Variants in CSMD1 observed in about 807,000 individuals in gnomAD.
The protein encoded by CSMD1 is CUB and sushi domain-containing protein 1.
Under a neutral mutation model 417.5 loss-of-function variants are expected in CSMD1, and 213 were observed. That is an observed-to-expected ratio of 0.51 (90% CI 0.46 to 0.57). CSMD1 has a LOEUF of 0.57. Ranked by LOEUF, CSMD1 falls within the 20% of genes least tolerant of loss-of-function variation. The probability of loss-of-function intolerance (pLI) is 0.00; values close to 1 mark genes in which losing one functional copy is unlikely to be tolerated. For synonymous variants in CSMD1, 2,862 were observed against 1,736.8 expected (o/e 1.65, Z -16.11); for missense variants, 6,923 against 4,529.7 (o/e 1.53, Z -15.17).
chr8:4,074,957 G>C (rs1464623562), intron 3 of CSMD1, among the ~76,000 whole-genome samples: 4 of 152,110 alleles, frequency 2.6e-5, no homozygotes, highest in Admixed American at 1.3e-4. Flanking sequence ...TTGTGTGACA[G>C]TTTGAGTCTG....
At chr8:3,581,710 G>C (rs182517715) in intron 9 of CSMD1, among the ~76,000 whole-genome samples, 2 of 152,324 alleles carry the variant, frequency 1.3e-5, no homozygotes, top group East Asian at 3.9e-4. Flanking sequence ...AGACGGTTGA[G>C]TTGAGAATAT....
intron 7 of CSMD1, among the ~76,000 whole-genome samples, chr8:3,706,079 G>A (rs189800858): frequency 1.3e-5 from 2 of 152,356 alleles, no homozygotes; most frequent in Admixed American, 6.5e-5. Context: ...GCGCTGGAAC[G>A]TGGCCTGGCC....
chr8:3,322,702 G>C (rs1341190657), intron 23 of CSMD1, among the ~76,000 whole-genome samples: 1 of 152,174 alleles, frequency 6.6e-6, no homozygotes, highest in Non-Finnish European at 1.5e-5. Flanking sequence ...CATGGCAGTG[G>C]AGTCCACAGC....
intron 5 of CSMD1, among the ~76,000 whole-genome samples, chr8:3,958,525 G>C (rs1187916933): frequency 6.6e-6 from 1 of 151,792 alleles, no homozygotes; most frequent in Non-Finnish European, 1.5e-5. Context: ...CATTCTTCTG[G>C]GTTTAGTTCT....
rs112468724 is a variant in CSMD1 at position 3,587,601 on chromosome 8, A to G, written c.1098-1341T>C. ...ATCATTCAAGTAACATCGCACCAGC[A>G]TCCCCCACGGCATCTATGTAACACT... On this transcript the variant is annotated intron_variant, in intron 8 of 69. Coordinates refer to ENST00000635120, the MANE Select transcript of CSMD1 (RefSeq NM_033225.6). Among the ~76,000 whole-genome samples, 1,320 of 152,264 alleles carry G rather than the reference A, an allele frequency of 8.7e-3. 19 individuals carry two copies. The highest frequency in any genetic ancestry group is 0.028 in the African/African-American group (1,161 of 41,566).
intron 7 of CSMD1, among the ~76,000 whole-genome samples, chr8:3,684,816 A>G (rs1340149015): frequency 3.9e-5 from 6 of 152,114 alleles, no homozygotes; most frequent in Non-Finnish European, 5.9e-5. Context: ...GCTATAGATC[A>G]TATTCCAAAC....
At chr8:3,145,903 G>A (rs942523365) in intron 40 of CSMD1, among the ~76,000 whole-genome samples, 2 of 152,230 alleles carry the variant, frequency 1.3e-5, no homozygotes, top group Admixed American at 1.3e-4. Flanking sequence ...CAAGTCACCT[G>A]CACAGAGAAT....
chr8:3,953,232 A>G (rs1206950188), intron 5 of CSMD1, among the ~76,000 whole-genome samples: 4 of 152,306 alleles, frequency 2.6e-5, no homozygotes, highest in East Asian at 1.9e-4. Flanking sequence ...AAGAAAATAT[A>G]TAACTGATAT....
chr8:3,931,258 C>G (rs538582358), intron 5 of CSMD1, among the ~76,000 whole-genome samples: 2 of 150,466 alleles, frequency 1.3e-5, no homozygotes, highest in Middle Eastern at 6.8e-3. Context: ...TCTCAGAACG[C>G]TCTGCATTTT....
chr8:4,682,786 G>A (rs915529987), intron 1 of CSMD1, among the ~76,000 whole-genome samples: 17 of 150,980 alleles, frequency 1.1e-4, no homozygotes, highest in African/African-American at 2.4e-4. Context: ...AAGTATATAC[G>A]AAGCAACATT....
chr8:3,267,089 A>C (rs1003126592), intron 26 of CSMD1, among the ~76,000 whole-genome samples: 3 of 151,134 alleles, frequency 2.0e-5, no homozygotes, highest in South Asian at 4.2e-4. Flanking sequence ...AGAGAGAGGG[A>C]AGGGTGAAAA....
At chr8:4,490,654 T>C (rs2130206835) in intron 2 of CSMD1, among the ~76,000 whole-genome samples, 1 of 152,260 alleles carries the variant, frequency 6.6e-6, no homozygotes, top group African/African-American at 2.4e-5. Flanking sequence ...TGACCCATGC[T>C]CAGAATGGTC....
At chr8:3,538,999 A>G (rs1169272911) in intron 10 of CSMD1, among the ~76,000 whole-genome samples, 1 of 152,162 alleles carries the variant, frequency 6.6e-6, no homozygotes, top group Non-Finnish European at 1.5e-5. Flanking sequence ...ATCTCATTGA[A>G]GTGAAAATAA....
At chr8:4,254,914 G>C (rs1803348599) in intron 3 of CSMD1, among the ~76,000 whole-genome samples, 1 of 152,102 alleles carries the variant, frequency 6.6e-6, no homozygotes, top group Non-Finnish European at 1.5e-5. Context: ...GCATTTCTCA[G>C]AATACATTCC....
chr8:4,039,899 C>T (rs761678776), intron 3 of CSMD1, among the ~76,000 whole-genome samples: 3 of 152,138 alleles, frequency 2.0e-5, no homozygotes, highest in African/African-American at 4.8e-5. Context: ...TTAGTTTCTA[C>T]ATCTTAGAAA....
At position 3,795,111 on chromosome 8, in the gene CSMD1, T is replaced by TATAG. The variant is rs1268937645; in HGVS notation, c.819-41073_819-41070dup. On this transcript the variant is annotated intron_variant, in intron 5 of 69. Coordinates refer to ENST00000635120, the MANE Select transcript of CSMD1 (RefSeq NM_033225.6). ...TAGATATATATCTATCATGTACAGC[T>TATAG]ATAGATATCTATCATGTACAGCTAT... Among the ~76,000 whole-genome samples, 5 of 55,930 alleles carry TATAG rather than the reference T, an allele frequency of 8.9e-5. 2 individuals carry two copies. The highest frequency in any genetic ancestry group is 1.7e-4 in the African/African-American group (3 of 18,008). The allele number at this position is 55,930 out of a possible 152,430, so 36.7% of individuals were successfully genotyped here. A position where few individuals can be genotyped will look rare whatever the true frequency, so the allele number is the denominator to read the frequency against.
intron 6 of CSMD1, among the ~76,000 whole-genome samples, chr8:3,736,487 C>T (rs571003747): frequency 2.9e-4 from 44 of 152,276 alleles, no homozygotes; most frequent in South Asian, 4.1e-4. Context: ...TGAAGTGATC[C>T]TCCCTCCTCA....
rs188591517 is a variant in CSMD1, at chr8:4,834,667, A to T, written c.85+159665T>A. ...GAAAAAGAAGAATGAATTAAAAGGA[A>T]AAAAAAAGGCCAGGTGCGGTGGCTC... On this transcript the variant is annotated intron_variant, in intron 1 of 69. Transcript: ENST00000635120. Among the ~76,000 whole-genome samples the T allele has an allele frequency of 7.7e-3, 1,172 of 151,942 alleles. 15 individuals carry two copies. Among genetic ancestry groups the T allele is most frequent in the Non-Finnish European group, 0.012 (787 of 67,920 alleles).
chr8:4,446,085 C>T (rs1311081078), intron 2 of CSMD1, among the ~76,000 whole-genome samples: 1 of 152,278 alleles, frequency 6.6e-6, no homozygotes, highest in East Asian at 1.9e-4. Context: ...GGAAGGGCTC[C>T]GTGTTCACTG....
Sources: allele counts gnomAD v4.1 joint callset (sites outside exome capture counted in the v4.1 genomes callset), GRCh38; gene constraint gnomAD v4.1.1; transcripts MANE v1.5; gene names NCBI Gene and HGNC (gene_info 2026-07-23, HGNC 2026-07-21).